CAMK2G: variants seen among roughly 807,000 people sequenced by gnomAD.
The protein encoded by CAMK2G is calcium/calmodulin-dependent protein kinase type II subunit gamma.
A neutral mutation model predicts 88.7 loss-of-function variants in CAMK2G; 23 were observed. The ratio of observed to expected loss-of-function variants is 0.26; its 90% CI spans 0.19 to 0.37. The LOEUF (loss-of-function observed/expected upper bound fraction) is 0.37. Among genes scored for constraint, CAMK2G ranks in the 10% least tolerant of loss-of-function variants. The pLI is 1.00. For synonymous variants in CAMK2G, 263 were observed against 294.8 expected (o/e 0.89, Z 1.11); for missense variants, 476 against 780.8 (o/e 0.61, Z 4.65).
intron 2 of CAMK2G, among the ~76,000 whole-genome samples, chr10:73,868,262 G>A (rs1385148491): frequency 1.3e-5 from 2 of 152,212 alleles, no homozygotes; most frequent in Admixed American, 1.3e-4. Flanking sequence ...AGGGACCAGA[G>A]GAAGCAGCAG....
intron 14 of CAMK2G, among the ~76,000 whole-genome samples, chr10:73,830,213 A>C (rs1174222292): frequency 6.6e-6 from 1 of 152,206 alleles, no homozygotes; most frequent in East Asian, 1.9e-4. Flanking sequence ...ATTTGCCCTT[A>C]GCCATGCATA....
At chr10:73,837,286 T>A in intron 14 of CAMK2G, 182 bp downstream of exon 14, 1 of 678,786 alleles carries the variant, frequency 1.5e-6, no homozygotes, top group East Asian at 2.6e-5. Flanking sequence ...CCAGGAAAAA[T>A]ACCTCCCTAC....
At chr10:73,845,353 C>T (rs1313353993) in intron 10 of CAMK2G, among the ~76,000 whole-genome samples, 8 of 152,006 alleles carry the variant, frequency 5.3e-5, no homozygotes, top group African/African-American at 9.7e-5. Context: ...GAAGCCGAGG[C>T]GGGTGGATCA....
Position 73,842,419 on chromosome 10 carries a change from TGATGTCAA to T in CAMK2G, c.903+31_903+38del. The T allele has an allele frequency of 6.9e-7, 1 of 1,459,192 alleles. No homozygotes were observed. The highest frequency in any genetic ancestry group is 1.4e-5 in the African/African-American group (1 of 72,098). 90.4% of individuals were successfully genotyped at this position (1,459,192 alleles called of 1,614,324 possible). A position where few individuals can be genotyped will look rare whatever the true frequency, so the allele number is the denominator to read the frequency against. On this transcript the variant is annotated intron_variant, in intron 11 of 22. Transcript: ENST00000423381. This position sits in a 1 kb window ranked among gnomAD's most constrained non-coding sequence, Gnocchi z 4.6. ...GCAGGAGCCACACTGGTGCAAGGCATGATGTCAAGGAGGCTGGCAGCCTAGAAACGACA... is the reference window on the plus strand; with the variant it reads ...GCAGGAGCCACACTGGTGCAAGGCATGGAGGCTGGCAGCCTAGAAACGACA...
At chr10:73,824,943 C>T (rs555960763) in intron 16 of CAMK2G, among the ~76,000 whole-genome samples, 16 of 152,322 alleles carry the variant, frequency 1.1e-4, no homozygotes, top group African/African-American at 3.8e-4. Context: ...CCTACCCTCT[C>T]CTTTCCTAAG....
chr10:73,874,503 G>T lies in CAMK2G; in HGVS notation c.-42C>A, dbSNP rs1256411274. 5 of 1,405,796 alleles carry T rather than the reference G, an allele frequency of 3.6e-6. No homozygotes were observed. Among genetic ancestry groups the T allele is most frequent in the Non-Finnish European group, 4.7e-6 (5 of 1,056,328 alleles). 87.1% of individuals were successfully genotyped at this position (1,405,796 alleles called of 1,614,324 possible). On this transcript the variant is annotated 5_prime_UTR_variant, in exon 1 of 23. Coordinates refer to ENST00000423381, the MANE Select transcript of CAMK2G (RefSeq NM_001367534.1). ...ACGCGGCGGTGCAGCCCGCGCCGAC[G>T]TCGGTGCACAGTCACCGCCGCCCGG...
chr10:73,873,631 G>A (rs906295743), intron 1 of CAMK2G: 12 of 553,304 alleles, frequency 2.2e-5, no homozygotes, highest in African/African-American at 1.5e-4. Flanking sequence ...GGGAAGAGAG[G>A]ACACAGTCAG....
intron 14 of CAMK2G, among the ~76,000 whole-genome samples, chr10:73,832,526 C>T (rs1003473108): frequency 6.6e-5 from 10 of 152,034 alleles, no homozygotes; most frequent in Non-Finnish European, 1.2e-4. Flanking sequence ...AGGCTGGTCT[C>T]GATCTCCTGA....
At chr10:73,867,859 G>A (rs2095650831) in intron 2 of CAMK2G, among the ~76,000 whole-genome samples, 1 of 152,214 alleles carries the variant, frequency 6.6e-6, no homozygotes. Context: ...CACGGCCTGA[G>A]GACGCTGGGT....
chr10:73,863,669 CTTACTAGCTAA>C (rs1310696518), intron 2 of CAMK2G, among the ~76,000 whole-genome samples: 1 of 152,234 alleles, frequency 6.6e-6, no homozygotes, highest in Non-Finnish European at 1.5e-5. Flanking sequence ...CCTTAAGTCT[CTTACTAGCTAA>C]TGGTTACAGT....
chr10:73,832,117 A>T (rs957354070), intron 14 of CAMK2G, among the ~76,000 whole-genome samples: 2 of 152,138 alleles, frequency 1.3e-5, no homozygotes, highest in African/African-American at 4.8e-5. Context: ...TGCACAATCT[A>T]GATGAAAAAT....
intron 19 of CAMK2G, 125 bp downstream of exon 19, chr10:73,819,407 G>A: frequency 1.4e-6 from 1 of 718,508 alleles, no homozygotes; most frequent in Non-Finnish European, 2.4e-6. Context: ...CCCAGCAGAG[G>A]CCATGCTCCC....
chr10:73,865,800 G>C (rs17631059), intron 2 of CAMK2G, among the ~76,000 whole-genome samples: 24,239 of 151,980 alleles, frequency 0.16, 2,163 homozygotes, highest in South Asian at 0.25. Flanking sequence ...CCACTAGGGA[G>C]AGGCTCAGAC....
intron 3 of CAMK2G, 85 bp from the exon 4 acceptor site, chr10:73,853,331 C>T (rs1307679477): frequency 3.2e-6 from 4 of 1,251,536 alleles, no homozygotes; most frequent in African/African-American, 1.5e-5. Flanking sequence ...CACCCCTGCC[C>T]CATCCTGTCG....
In CAMK2G at chr10:73,865,411, A is replaced by T. The variant is rs780087881; in HGVS notation, c.161-4522T>A. On this transcript the variant is annotated intron_variant, in intron 2 of 22. Coordinates refer to ENST00000423381, the MANE Select transcript of CAMK2G (RefSeq NM_001367534.1). Reference sequence around the variant, plus strand: ...CATCCACAAGCTCTCCTCAATGAACAGAGCAGTTTCTACCTGCCCCGCTCT... The same window carrying T: ...CATCCACAAGCTCTCCTCAATGAACTGAGCAGTTTCTACCTGCCCCGCTCT... Among the ~76,000 whole-genome samples the T allele has an allele frequency of 3.9e-5, 6 of 152,152 alleles. No homozygotes were observed. The South Asian group carries it at 1.2e-3, about 32-fold the overall frequency.
At chr10:73,868,556 A>G (rs1036267560) in intron 2 of CAMK2G, among the ~76,000 whole-genome samples, 2 of 152,182 alleles carry the variant, frequency 1.3e-5, no homozygotes, top group African/African-American at 2.4e-5. Context: ...CTGTTTACAG[A>G]AATTGGCCTG....
At chr10:73,847,378 G>T in intron 9 of CAMK2G, 31 bp from the exon 10 acceptor site, 1 of 1,612,746 alleles carries the variant, frequency 6.2e-7, no homozygotes, top group Non-Finnish European at 8.5e-7. Flanking sequence ...GAAGAATGTG[G>T]TATTGGTGAG....
Position 73,839,735 on chromosome 10 carries a change from G to T in CAMK2G, c.947-134C>A. The T allele has an allele frequency of 2.2e-6, 1 of 453,606 alleles. No homozygotes were observed. Among genetic ancestry groups the T allele is most frequent in the Non-Finnish European group, 3.6e-6 (1 of 278,282 alleles). 28.1% of individuals were successfully genotyped at this position (453,606 alleles called of 1,614,324 possible). ...CCGAGCTGGGGGAGCGGAGCGCCAG[G>T]GGCAGGCTGAGGAGGTAGGCGCAGC... On this transcript the variant is annotated intron_variant, in intron 12 of 22. Transcript: ENST00000423381. The surrounding 1 kb of genome is among the most constrained non-coding windows in gnomAD (Gnocchi z 4.2).
chr10:73,866,983 T>C (rs1019565469), intron 2 of CAMK2G, among the ~76,000 whole-genome samples: 4 of 152,170 alleles, frequency 2.6e-5, no homozygotes, highest in Admixed American at 1.3e-4. Context: ...GAGTCTCCAA[T>C]TAAAAGCAAA....
Sources: gnomAD v4.1 joint callset for allele counts (sites outside exome capture counted in the v4.1 genomes callset) on GRCh38, gnomAD v4.1.1 for gene constraint, Gnocchi (gnomAD v3.1) non-coding constraint, MANE v1.5 for transcripts, NCBI Gene and HGNC (gene_info 2026-07-23, HGNC 2026-07-21) for gene names.